SYNPR: variants seen among roughly 807,000 people sequenced by gnomAD.
SYNPR encodes the protein synaptoporin.
In SYNPR, 23 loss-of-function variants were observed where a neutral mutation model predicts 32.9. That is an observed-to-expected ratio of 0.70 (90% confidence interval 0.50 to 0.99). The LOEUF (loss-of-function observed/expected upper bound fraction) is 0.99. Ranked by LOEUF, SYNPR falls within the 50% of genes least tolerant of loss-of-function variation. The pLI is 0.00. For missense variants in SYNPR, 318 were observed against 349.3 expected, an observed-to-expected ratio of 0.91 and a Z score of 0.71; for synonymous variants, 146 against 135.9, an observed-to-expected ratio of 1.07 and a Z score of -0.52.
At chr3:63,594,611 A>G (rs771754426) in intron 4 of SYNPR, among the ~76,000 whole-genome samples, 29 of 152,170 alleles carry the variant, frequency 1.9e-4, no homozygotes, top group Non-Finnish European at 3.4e-4. Context: ...TCCCAACTAT[A>G]AAATGGGATT....
At chr3:63,592,790 A>G (rs1038542757) in intron 4 of SYNPR, among the ~76,000 whole-genome samples, 2 of 152,090 alleles carry the variant, frequency 1.3e-5, no homozygotes, top group African/African-American at 4.8e-5. Context: ...TCTATATTGT[A>G]TTTTTAGCTA....
intron 2 of SYNPR, among the ~76,000 whole-genome samples, chr3:63,390,405 G>A (rs997205243): frequency 4.2e-4 from 64 of 152,266 alleles, no homozygotes; most frequent in African/African-American, 1.5e-3. Flanking sequence ...TGAAAGGTTA[G>A]AGATAAATGA....
In SYNPR at chr3:63,233,338, A is replaced by C. The variant is rs1575571392; in HGVS notation, n.66+4958A>C. Among the ~76,000 whole-genome samples, 2 of 152,316 alleles carry C rather than the reference A, an allele frequency of 1.3e-5. 1 individual carries two copies. The highest frequency in any genetic ancestry group is 4.1e-4 in the South Asian group (2 of 4,830). On this transcript the variant is annotated intron_variant and non_coding_transcript_variant, in intron 1 of 4. Transcript: ENST00000478456. Reference sequence around the variant, plus strand: ...ATTCAAATTCTCTTTTCTTCACCTCAAGGTTTAAAACAGGTGGACAGTAAA... The same window carrying C: ...ATTCAAATTCTCTTTTCTTCACCTCCAGGTTTAAAACAGGTGGACAGTAAA...
At chr3:63,240,834 ACT>A (rs1031869380) in intron 1 of SYNPR, among the ~76,000 whole-genome samples, 7 of 151,978 alleles carry the variant, frequency 4.6e-5, no homozygotes, top group Non-Finnish European at 8.8e-5. Flanking sequence ...CAAGGAGGAA[ACT>A]CTGCTCCATT....
intron 2 of SYNPR, among the ~76,000 whole-genome samples, chr3:63,453,577 T>C (rs953576784): frequency 4.6e-5 from 7 of 152,096 alleles, no homozygotes; most frequent in Non-Finnish European, 1.0e-4. Context: ...TGCAATAAAG[T>C]CATTATCAGA....
At chr3:63,287,851 T>C (rs1243883052) in intron 2 of SYNPR, among the ~76,000 whole-genome samples, 1 of 152,142 alleles carries the variant, frequency 6.6e-6, no homozygotes, top group Non-Finnish European at 1.5e-5. Flanking sequence ...AGGGCTATTA[T>C]AGGGATACCC....
chr3:63,344,010 G>A (rs2087405405), intron 2 of SYNPR, among the ~76,000 whole-genome samples: 1 of 152,188 alleles, frequency 6.6e-6, no homozygotes, highest in South Asian at 2.1e-4. Flanking sequence ...ACATCATTAG[G>A]AGAGCTCTCA....
chr3:63,517,305 G>A (rs1457227597), intron 3 of SYNPR, among the ~76,000 whole-genome samples: 1 of 152,100 alleles, frequency 6.6e-6, no homozygotes, highest in Non-Finnish European at 1.5e-5. Flanking sequence ...GAGATTCATT[G>A]TGGCGGCTAA....
At chr3:63,476,611 C>G (rs1315331345) in intron 2 of SYNPR, among the ~76,000 whole-genome samples, 2 of 152,050 alleles carry the variant, frequency 1.3e-5, no homozygotes, top group African/African-American at 2.4e-5. Flanking sequence ...AAAAAAACAT[C>G]ATTCTTCCCC....
At chr3:63,499,918 C>CAA (rs1312561713) in intron 3 of SYNPR, among the ~76,000 whole-genome samples, 1 of 151,746 alleles carries the variant, frequency 6.6e-6, no homozygotes, top group African/African-American at 2.4e-5. Flanking sequence ...CACACACACA[C>CAA]ACAAAAACTG....
At chr3:63,491,681 C>T (rs1051962064) in intron 3 of SYNPR, among the ~76,000 whole-genome samples, 11 of 151,956 alleles carry the variant, frequency 7.2e-5, no homozygotes, top group African/African-American at 1.7e-4. Flanking sequence ...CCACCATGCC[C>T]GGCTAATTTT....
At chr3:63,439,306 C>A (rs1700130736) in intron 2 of SYNPR, among the ~76,000 whole-genome samples, 1 of 152,152 alleles carries the variant, frequency 6.6e-6, no homozygotes, top group South Asian at 2.1e-4. Context: ...AAACATTGTA[C>A]TTCTATTTCT....
At chr3:63,201,738 AC>A in the SYNPR span, among the ~76,000 whole-genome samples, 1 of 152,108 alleles carries the variant, frequency 6.6e-6, no homozygotes, top group Non-Finnish European at 1.5e-5. Flanking sequence ...AAAAAATTAC[AC>A]CAAAAATAAA....
In SYNPR at chr3:63,408,320, G is replaced by GAAAT. The variant is rs770938059; in HGVS notation, c.85-72509_85-72508insTAAA. ...GGAAGGAAGGAAGGAAGGAAGGAAG[G>GAAAT]AAAGAAAGAAAGAAAGAAAGAAAGA... On this transcript the variant is annotated intron_variant, in intron 2 of 5. Coordinates refer to ENST00000478300, the MANE Select transcript of SYNPR (RefSeq NM_001130003.2). 5.4e-5 allele frequency among the ~76,000 whole-genome samples: 4 copies of GAAAT among 73,686 alleles called. No individual in the cohort carries two copies. In the East Asian group the frequency reaches 1.8e-3, roughly 34 times the overall value. The allele number at this position is 73,686 out of a possible 152,430, so 48.3% of individuals were successfully genotyped here.
At chr3:63,211,115 C>T in the SYNPR span, among the ~76,000 whole-genome samples, 1 of 152,160 alleles carries the variant, frequency 6.6e-6, no homozygotes, top group Non-Finnish European at 1.5e-5. Context: ...GTCACCCAGC[C>T]TGGAGTGCAG....
intron 2 of SYNPR, among the ~76,000 whole-genome samples, chr3:63,350,757 T>C (rs2087496341): frequency 6.6e-6 from 1 of 152,178 alleles, no homozygotes; most frequent in Admixed American, 6.5e-5. Context: ...TATACATGTA[T>C]GTGCAGGGGA....
chr3:63,451,784 C>T (rs1700384296), intron 2 of SYNPR, among the ~76,000 whole-genome samples: 2 of 152,234 alleles, frequency 1.3e-5, no homozygotes, highest in South Asian at 2.1e-4. Flanking sequence ...CATTAGCCCC[C>T]ACTATAGGAT....
At chr3:63,219,649 A>G in the SYNPR span, among the ~76,000 whole-genome samples, 1 of 152,172 alleles carries the variant, frequency 6.6e-6, no homozygotes, top group Admixed American at 6.5e-5. Flanking sequence ...TGGATTATAT[A>G]TACTGTATTA....
rs920555491 is a variant in SYNPR at position 63,244,722 on chromosome 3, C to T, written n.67-7777C>T. On this transcript the variant is annotated intron_variant and non_coding_transcript_variant, in intron 1 of 4. Coordinates refer to the SYNPR transcript ENST00000478456. The stretch of plus-strand genomic sequence containing the variant: ...GGCAACTTCATTTAGGACTATCAAT[C>T]TATTGAGCTTTTTGGAATACAGATG... Among the ~76,000 whole-genome samples, 6 of 152,086 alleles carry T rather than the reference C, an allele frequency of 3.9e-5. No individual in the cohort carries two copies. In the East Asian group the frequency reaches 7.7e-4, roughly 20 times the overall value.
Sources: allele counts gnomAD v4.1 joint callset (sites outside exome capture counted in the v4.1 genomes callset), GRCh38; gene constraint gnomAD v4.1.1; transcripts MANE v1.5; gene names NCBI Gene and HGNC (gene_info 2026-07-23, HGNC 2026-07-21).